The following CFAP299 variants were observed in gnomAD, a reference collection of about 807,000 sequenced individuals.
CFAP299 encodes cilia- and flagella-associated protein 299.
CFAP299 carries 21 observed loss-of-function variants against 27.0 expected under a neutral mutation model. The ratio of observed to expected loss-of-function variants is 0.78; its 90% CI spans 0.55 to 1.12. The LOEUF is 1.12. Among genes scored for constraint, CFAP299 ranks in the 50% most tolerant of loss-of-function variants. CFAP299 has a pLI of 0.00. For synonymous variants in CFAP299, 104 were observed against 98.1 expected, an observed-to-expected ratio of 1.06 and a Z score of -0.36; for missense variants, 310 against 276.6, an observed-to-expected ratio of 1.12 and a Z score of -0.86.
At chr4:80,405,424 GTAA>G (rs1398724757) in intron 2 of CFAP299, among the ~76,000 whole-genome samples, 1 of 152,076 alleles carries the variant, frequency 6.6e-6, no homozygotes, top group Non-Finnish European at 1.5e-5. Flanking sequence ...TTATGAAATG[GTAA>G]TAATAATACA....
intron 2 of CFAP299, among the ~76,000 whole-genome samples, chr4:80,454,769 A>G (rs1264774370): frequency 2.0e-5 from 3 of 152,236 alleles, no homozygotes; most frequent in Non-Finnish European, 2.9e-5. Flanking sequence ...TAAGTCACAC[A>G]GAGCCAGCTG....
chr4:80,435,131 C>T (rs1014523717), intron 2 of CFAP299, among the ~76,000 whole-genome samples: 1 of 152,130 alleles, frequency 6.6e-6, no homozygotes, highest in African/African-American at 2.4e-5. Context: ...GGCAACTTTT[C>T]CTGTACTTCA....
intron 2 of CFAP299, among the ~76,000 whole-genome samples, chr4:80,380,186 A>G (rs1724627350): frequency 6.6e-6 from 1 of 152,066 alleles, no homozygotes. Context: ...TTTTTCTGAT[A>G]TTTATATAGA....
chr4:80,498,199 T>C (rs1731558358), intron 2 of CFAP299, among the ~76,000 whole-genome samples: 1 of 152,150 alleles, frequency 6.6e-6, no homozygotes, highest in African/African-American at 2.4e-5. Context: ...AAATAAATTA[T>C]GACTAAGTCC....
At chr4:80,608,785 G>A (rs1344961895) in intron 3 of CFAP299, among the ~76,000 whole-genome samples, 3 of 151,896 alleles carry the variant, frequency 2.0e-5, no homozygotes, top group African/African-American at 7.3e-5. Flanking sequence ...AATAGAGTTA[G>A]AAACAGAATA....
chr4:80,493,483 T>A (rs1731248708), intron 2 of CFAP299, among the ~76,000 whole-genome samples: 1 of 152,132 alleles, frequency 6.6e-6, no homozygotes, highest in South Asian at 2.1e-4. Context: ...AGCAGGTAAT[T>A]GGAATGAGTT....
intron 3 of CFAP299, among the ~76,000 whole-genome samples, chr4:80,836,749 G>A (rs574843520): frequency 6.6e-6 from 1 of 152,070 alleles, no homozygotes; most frequent in African/African-American, 2.4e-5. Flanking sequence ...CTTTGAGGGG[G>A]CATGATTCTG....
At position 80,962,587 on chromosome 4, in the gene CFAP299, A is replaced by T. The variant is rs11099454; in HGVS notation, c.607-930A>T. Among the ~76,000 whole-genome samples, 4 of 151,648 alleles carry T rather than the reference A, an allele frequency of 2.6e-5. No individual in the cohort carries two copies. The East Asian group carries it at 7.7e-4, about 29-fold the overall frequency. On this transcript the variant is annotated intron_variant, in intron 5 of 5. Transcript: ENST00000358105. ...AATTTAAAAAAAGAGTTGTAAAATA[A>T]CACAAAAACAATAAAAAGCAAAACT...
At chr4:80,435,093 T>A (rs1466204471) in intron 2 of CFAP299, among the ~76,000 whole-genome samples, 1 of 152,206 alleles carries the variant, frequency 6.6e-6, no homozygotes, top group Non-Finnish European at 1.5e-5. Context: ...GAGAGTACTA[T>A]AATTTGAGGA....
chr4:80,682,868 C>T (rs1719930027), intron 3 of CFAP299, among the ~76,000 whole-genome samples: 1 of 152,104 alleles, frequency 6.6e-6, no homozygotes, highest in African/African-American at 2.4e-5. Context: ...TTCGATAATA[C>T]CTCCAGTGAC....
intron 4 of CFAP299, among the ~76,000 whole-genome samples, chr4:80,925,764 G>A (rs1165967442): frequency 2.0e-5 from 3 of 151,988 alleles, no homozygotes; most frequent in Non-Finnish European, 4.4e-5. Context: ...CAAGACTCAT[G>A]CCAGTCTCGT....
In CFAP299 at chr4:80,344,376, G is replaced by A. The variant is rs1387847256; in HGVS notation, c.111+8497G>A. On this transcript the variant is annotated intron_variant, in intron 1 of 5. Transcript: ENST00000358105. ...CAGATAATATTATGAACACCTCTTC[G>A]TGCAGAAAATAGAAAATCTAGAAGA... is the stretch of plus-strand genomic sequence containing the variant. Among the ~76,000 whole-genome samples, 5 of 151,952 alleles carry A rather than the reference G, an allele frequency of 3.3e-5. No individual in the cohort carries two copies. The East Asian group carries it at 5.8e-4, about 18-fold the overall frequency.
intron 2 of CFAP299, among the ~76,000 whole-genome samples, chr4:80,451,718 A>G (rs890628028): frequency 7.2e-5 from 11 of 152,190 alleles, no homozygotes; most frequent in Non-Finnish European, 1.5e-4. Context: ...GGAAGTTACA[A>G]TGATAGATGG....
At chr4:80,342,664 A>G (rs1722514289) in intron 1 of CFAP299, among the ~76,000 whole-genome samples, 1 of 152,236 alleles carries the variant, frequency 6.6e-6, no homozygotes, top group African/African-American at 2.4e-5. Flanking sequence ...GAGTTCCTAA[A>G]GAAAGCACTA....
chr4:80,601,429 G>C (rs1206604489), intron 3 of CFAP299, among the ~76,000 whole-genome samples: 1 of 152,074 alleles, frequency 6.6e-6, no homozygotes, highest in Non-Finnish European at 1.5e-5. Context: ...GTTAGAGTTT[G>C]AGGGCATTAT....
intron 3 of CFAP299, among the ~76,000 whole-genome samples, chr4:80,637,471 C>T (rs1243862049): frequency 6.6e-6 from 1 of 152,122 alleles, no homozygotes; most frequent in East Asian, 1.9e-4. Context: ...AAGACAGTTG[C>T]TATCGGTGGA....
At chr4:80,693,177 C>T (rs1200657568) in intron 3 of CFAP299, among the ~76,000 whole-genome samples, 3 of 152,120 alleles carry the variant, frequency 2.0e-5, no homozygotes, top group East Asian at 3.9e-4. Flanking sequence ...TACCATTTGA[C>T]CCAGCCATCC....
chr4:80,640,122 A>G (rs529717156), intron 3 of CFAP299, among the ~76,000 whole-genome samples: 1 of 152,336 alleles, frequency 6.6e-6, no homozygotes, highest in Admixed American at 6.5e-5. Flanking sequence ...TGTATGTTAT[A>G]TGTATTTTAC....
At chr4:80,729,148 GCCA>G (rs1264431510) in intron 3 of CFAP299, among the ~76,000 whole-genome samples, 3 of 152,172 alleles carry the variant, frequency 2.0e-5, no homozygotes, top group Non-Finnish European at 1.5e-5. Flanking sequence ...CGCAATTGAG[GCCA>G]CCAGTTTGCT....
Sources: gnomAD v4.1 joint callset for allele counts (sites outside exome capture counted in the v4.1 genomes callset) on GRCh38, gnomAD v4.1.1 for gene constraint, MANE v1.5 for transcripts, NCBI Gene and HGNC (gene_info 2026-07-23, HGNC 2026-07-21) for gene names.